TSPAN18: variants seen among roughly 807,000 people sequenced by gnomAD.
TSPAN18 encodes tetraspanin 18, also known as tetraspanin-18.
Under a neutral mutation model 27.3 loss-of-function variants are expected in TSPAN18, and 14 were observed. The observed-to-expected ratio is 0.51, with a 90% CI of 0.34 to 0.80. TSPAN18 has a LOEUF of 0.80. Among genes scored for constraint, TSPAN18 ranks in the 30% least tolerant of loss-of-function variants. The probability of loss-of-function intolerance (pLI) is 0.01; values close to 1 mark genes in which losing one functional copy is unlikely to be tolerated. For missense variants in TSPAN18, 268 were observed against 323.9 expected, an observed-to-expected ratio of 0.83 and a Z score of 1.32; for synonymous variants, 143 against 136.5, an observed-to-expected ratio of 1.05 and a Z score of -0.33.
At chr11:44,773,383 T>C (rs578026978) in intron 2 of TSPAN18, among the ~76,000 whole-genome samples, 2 of 151,930 alleles carry the variant, frequency 1.3e-5, no homozygotes, top group African/African-American at 4.8e-5. Context: ...GCCATTGCAC[T>C]CCAGCCTGGG....
chr11:44,848,890 C>A (rs1035305110), intron 2 of TSPAN18, among the ~76,000 whole-genome samples: 1 of 152,150 alleles, frequency 6.6e-6, no homozygotes, highest in Non-Finnish European at 1.5e-5. Context: ...GTACTCAGGT[C>A]CCTTTGGTGA....
chr11:44,881,800 C>T (rs768721101), intron 3 of TSPAN18, among the ~76,000 whole-genome samples: 34 of 152,292 alleles, frequency 2.2e-4, no homozygotes, highest in Admixed American at 7.2e-4. Context: ...TCTCCAGTTG[C>T]AGGCACCCAG....
At chr11:44,787,618 C>T (rs1000249179) in intron 2 of TSPAN18, among the ~76,000 whole-genome samples, 23 of 152,166 alleles carry the variant, frequency 1.5e-4, no homozygotes, top group Admixed American at 4.6e-4. Flanking sequence ...TAATAACAAT[C>T]TGACTTAATA....
At chr11:44,827,038 C>T (rs533705138) in intron 2 of TSPAN18, among the ~76,000 whole-genome samples, 1 of 152,344 alleles carries the variant, frequency 6.6e-6, no homozygotes, top group East Asian at 1.9e-4. Context: ...AGCCTTTTAG[C>T]TCACGAGGGC....
chr11:44,807,584 A>G (rs1352199181), intron 2 of TSPAN18, among the ~76,000 whole-genome samples: 2 of 151,790 alleles, frequency 1.3e-5, no homozygotes, highest in African/African-American at 4.8e-5. Flanking sequence ...GGTGGGATAC[A>G]GAGAAGGTAA....
intron 2 of TSPAN18, among the ~76,000 whole-genome samples, chr11:44,837,555 T>A (rs1044317259): frequency 2.0e-5 from 3 of 152,242 alleles, no homozygotes; most frequent in African/African-American, 7.2e-5. Flanking sequence ...TGGACTCCAA[T>A]TTTGAAAGGA....
chr11:44,909,517 GA>G, intron 4 of TSPAN18, 187 bp from the exon 5 acceptor site: 1 of 587,166 alleles, frequency 1.7e-6, no homozygotes, highest in Non-Finnish European at 3.0e-6. Flanking sequence ...ACGGCAGCTA[GA>G]AAAATTAAAA....
upstream of TSPAN18, chr11:44,726,711 G>A (rs1284646592): frequency 6.6e-6 from 1 of 152,066 alleles, no homozygotes; most frequent in African/African-American, 2.4e-5. Context: ...AGCGGGAGGT[G>A]GTCGGAGGCG....
intron 1 of TSPAN18, among the ~76,000 whole-genome samples, chr11:44,746,579 CCT>C (rs1855082182): frequency 1.3e-5 from 2 of 151,856 alleles, no homozygotes; most frequent in Admixed American, 1.3e-4. Flanking sequence ...CATCGGGGGC[CCT>C]CTCTACAAAA....
chr11:44,780,592 G>A (rs1855915580), intron 2 of TSPAN18, among the ~76,000 whole-genome samples: 1 of 152,172 alleles, frequency 6.6e-6, no homozygotes, highest in African/African-American at 2.4e-5. Flanking sequence ...TTTCCTTCAT[G>A]GTTCTGATAT....
intron 1 of TSPAN18, among the ~76,000 whole-genome samples, chr11:44,738,934 C>T (rs1258573239): frequency 6.6e-6 from 1 of 152,192 alleles, no homozygotes; most frequent in Admixed American, 6.5e-5. Flanking sequence ...GTGTAAAACC[C>T]AGGTAGTCCG....
At chr11:44,762,353 C>T (rs1438892377) in intron 1 of TSPAN18, among the ~76,000 whole-genome samples, 1 of 152,176 alleles carries the variant, frequency 6.6e-6, no homozygotes. Flanking sequence ...AATGATATTG[C>T]AGAATGTGTG....
intron 2 of TSPAN18, among the ~76,000 whole-genome samples, chr11:44,810,236 C>T (rs996826624): frequency 3.9e-5 from 6 of 152,224 alleles, no homozygotes; most frequent in Admixed American, 3.9e-4. Flanking sequence ...CCACCTCCGT[C>T]AAGTTCCAAA....
intron 2 of TSPAN18, among the ~76,000 whole-genome samples, chr11:44,791,544 C>T (rs1420953504): frequency 1.3e-5 from 2 of 152,208 alleles, no homozygotes; most frequent in Non-Finnish European, 2.9e-5. Context: ...TGATGCCACC[C>T]ACCCCGCCTC....
intron 2 of TSPAN18, among the ~76,000 whole-genome samples, chr11:44,811,125 AACACAC>A (rs61153202): frequency 0.073 from 10,361 of 142,442 alleles, 923 homozygotes; most frequent in East Asian, 0.43. Context: ...CTGGAGTTTT[AACACAC>A]ACACACACAC....
At chr11:44,830,970 G>A (rs192100826) in intron 2 of TSPAN18, among the ~76,000 whole-genome samples, 224 of 152,214 alleles carry the variant, frequency 1.5e-3, no homozygotes, top group African/African-American at 5.2e-3. Flanking sequence ...TGTGCCGGCC[G>A]GGCACAATGG....
chr11:44,904,217 G>T (rs889852934), intron 3 of TSPAN18, among the ~76,000 whole-genome samples: 1 of 152,214 alleles, frequency 6.6e-6, no homozygotes, highest in Admixed American at 6.5e-5. Flanking sequence ...AGAAGAAGGA[G>T]GATGTCCCAG....
intron 2 of TSPAN18, among the ~76,000 whole-genome samples, chr11:44,772,849 G>C (rs59831848): frequency 1.8e-4 from 27 of 151,760 alleles, no homozygotes; most frequent in African/African-American, 6.5e-4. Context: ...GTAGAAACAG[G>C]GTTTCTCCGT....
intron 2 of TSPAN18, among the ~76,000 whole-genome samples, chr11:44,822,993 C>T (rs1005234416): frequency 9.2e-5 from 14 of 152,222 alleles, no homozygotes; most frequent in Non-Finnish European, 1.8e-4. Flanking sequence ...CCCTGACTTG[C>T]AATGAGGATC....
Sources: allele counts gnomAD v4.1 joint callset (sites outside exome capture counted in the v4.1 genomes callset), GRCh38; gene constraint gnomAD v4.1.1; transcripts MANE v1.5; gene names NCBI Gene and HGNC (gene_info 2026-07-23, HGNC 2026-07-21).